Variants in C9 observed in about 807,000 individuals in gnomAD.
C9 encodes complement C9.
C9 carries 63 observed loss-of-function variants against 65.4 expected under a neutral mutation model. The observed-to-expected ratio is 0.96, with a 90% CI of 0.79 to 1.19. C9 has a LOEUF of 1.19. C9 is among the 50% of genes most tolerant of loss of function. The pLI is 0.00. For missense variants in C9, 744 were observed against 670.1 expected, an observed-to-expected ratio of 1.11 and a Z score of -1.22; for synonymous variants, 229 against 227.9, an observed-to-expected ratio of 1.00 and a Z score of -0.04.
intron 9 of C9, among the ~76,000 whole-genome samples, chr5:39,294,827 G>T (rs1753154937): frequency 2.6e-5 from 4 of 151,696 alleles, no homozygotes; most frequent in Non-Finnish European, 5.9e-5. Flanking sequence ...CAAAATATTA[G>T]CAAACTGATG....
intron 4 of C9, among the ~76,000 whole-genome samples, chr5:39,332,475 T>G (rs147936942): frequency 3.9e-5 from 6 of 152,352 alleles, no homozygotes; most frequent in Non-Finnish European, 8.8e-5. Context: ...CATTCATAAA[T>G]ATAAATTTTA....
intron 4 of C9, among the ~76,000 whole-genome samples, chr5:39,332,791 G>A (rs1753868046): frequency 6.6e-6 from 1 of 152,222 alleles, no homozygotes; most frequent in South Asian, 2.1e-4. Flanking sequence ...GTCAAAGAGT[G>A]GGTAGTTTAC....
chr5:39,357,215 T>C (rs951522114), intron 1 of C9, among the ~76,000 whole-genome samples: 1 of 152,234 alleles, frequency 6.6e-6, no homozygotes, highest in Admixed American at 6.5e-5. Flanking sequence ...TATGAAGGAA[T>C]CTTTTGGTCA....
chr5:39,285,171 C>T lies in C9; in HGVS notation c.*28G>A. 6.2e-7 allele frequency: 1 copy of T among 1,602,372 alleles called. No individual in the cohort carries two copies. Among genetic ancestry groups the T allele is most frequent in the East Asian group, 2.2e-5 (1 of 44,810 alleles). On this transcript the variant is annotated 3_prime_UTR_variant, in exon 11 of 11. Transcript: ENST00000263408. ...CTGAAGGTACTAGTGTTTTCTTCTT[C>T]CACTGGAGCTCAGAGAAGCCAACAG...
At chr5:39,295,109 T>C (rs934194817) in intron 9 of C9, among the ~76,000 whole-genome samples, 1 of 151,736 alleles carries the variant, frequency 6.6e-6, no homozygotes, top group Non-Finnish European at 1.5e-5. Context: ...AACATAATAC[T>C]GAATGAGAAA....
At chr5:39,318,234 T>C (rs1164611612) in intron 5 of C9, among the ~76,000 whole-genome samples, 1 of 152,186 alleles carries the variant, frequency 6.6e-6, no homozygotes, top group African/African-American at 2.4e-5. Context: ...GCTTATAAGC[T>C]TAAGAAGCCT....
intron 9 of C9, among the ~76,000 whole-genome samples, chr5:39,294,868 T>C (rs796626228): frequency 2.6e-4 from 40 of 151,944 alleles, no homozygotes; most frequent in African/African-American, 9.6e-4. Context: ...TAATACAGCA[T>C]GATCAAGTGG....
chr5:39,347,247 T>G (rs1754215456), intron 1 of C9, among the ~76,000 whole-genome samples: 1 of 152,188 alleles, frequency 6.6e-6, no homozygotes, highest in Non-Finnish European at 1.5e-5. Context: ...TGTTTGCAGA[T>G]GACACGACTG....
At chr5:39,328,040 T>C (rs1753781064) in intron 5 of C9, among the ~76,000 whole-genome samples, 1 of 152,060 alleles carries the variant, frequency 6.6e-6, no homozygotes, top group Non-Finnish European at 1.5e-5. Context: ...TTGAAAAAGA[T>C]TTATATATGA....
At chr5:39,343,679 G>C (rs1392900939) in intron 1 of C9, among the ~76,000 whole-genome samples, 1 of 152,280 alleles carries the variant, frequency 6.6e-6, no homozygotes, top group East Asian at 1.9e-4. Context: ...GAGAGTAGTG[G>C]TTCTCCCAGC....
intron 1 of C9, among the ~76,000 whole-genome samples, chr5:39,355,614 T>C (rs570775069): frequency 9.9e-5 from 15 of 152,186 alleles, no homozygotes; most frequent in Non-Finnish European, 1.8e-4. Flanking sequence ...TACATATCAC[T>C]CTCTTGCCCT....
chr5:39,351,138 C>G (rs1716679148), intron 1 of C9, among the ~76,000 whole-genome samples: 1 of 152,218 alleles, frequency 6.6e-6, no homozygotes, highest in African/African-American at 2.4e-5. Flanking sequence ...ATGGCCTGAG[C>G]TGTACTTGGC....
intron 4 of C9, among the ~76,000 whole-genome samples, chr5:39,334,591 C>G (rs1265247352): frequency 1.3e-5 from 2 of 150,252 alleles, no homozygotes; most frequent in African/African-American, 2.5e-5. Context: ...CCCGCCCGGC[C>G]AGCTGCCCCG....
intron 9 of C9, among the ~76,000 whole-genome samples, chr5:39,294,741 A>G (rs1156373874): frequency 1.3e-5 from 2 of 151,842 alleles, no homozygotes; most frequent in African/African-American, 4.8e-5. Flanking sequence ...CTGATATCAA[A>G]ACCAGACAAG....
Position 39,341,644 on chromosome 5 carries a change from G to T in C9, c.240C>A (p.Asp80Glu). ...CACACTGTCGTCTGTCTCCCACAGCGTCGGTGCATCTTTTCCCATTAAATT... is the reference window on the plus strand; with the variant it reads ...CACACTGTCGTCTGTCTCCCACAGCTTCGGTGCATCTTTTCCCATTAAATT... ...FGQFNGKRCT[D>E]AVGDRRQCVP... is the part of the protein sequence containing the mutation. The change falls in exon 3 of 11, where the codon GAC becomes GAA. Residue 80 changes from aspartate (D) to glutamate (E), a missense_variant. Transcript: ENST00000263408. 3 of 1,613,714 alleles carry T rather than the reference G, an allele frequency of 1.9e-6. No homozygotes were observed. The highest frequency in any genetic ancestry group is 2.5e-6 in the Non-Finnish European group (3 of 1,179,602).
chr5:39,330,444 A>C (rs1232077407), intron 5 of C9, among the ~76,000 whole-genome samples: 1 of 152,210 alleles, frequency 6.6e-6, no homozygotes, highest in Non-Finnish European at 1.5e-5. Flanking sequence ...TGGAGAAGCT[A>C]AGAGCTGATC....
At chr5:39,314,996 A>C (rs895267527) in intron 6 of C9, among the ~76,000 whole-genome samples, 9 of 152,244 alleles carry the variant, frequency 5.9e-5, no homozygotes, top group Admixed American at 5.2e-4. Flanking sequence ...GATAGGTCAC[A>C]ATTAAATATT....
intron 9 of C9, among the ~76,000 whole-genome samples, chr5:39,298,941 A>G (rs976233453): frequency 6.6e-6 from 1 of 151,872 alleles, no homozygotes; most frequent in African/African-American, 2.4e-5. Flanking sequence ...AAAGTGAAAA[A>G]CCATATGATC....
chr5:39,339,890 A>G (rs1754043259), intron 4 of C9, among the ~76,000 whole-genome samples: 1 of 151,710 alleles, frequency 6.6e-6, no homozygotes, highest in African/African-American at 2.4e-5. Context: ...CGATCTCCTG[A>G]CTTCGTGATC....
Sources: gnomAD v4.1 joint callset for allele counts (sites outside exome capture counted in the v4.1 genomes callset) on GRCh38, gnomAD v4.1.1 for gene constraint, MANE v1.5 for transcripts, NCBI Gene and HGNC (gene_info 2026-07-23, HGNC 2026-07-21) for gene names.